NEGR1: variants seen among roughly 807,000 people sequenced by gnomAD.
NEGR1 encodes the protein IgLON family member 4.
A neutral mutation model predicts 40.9 loss-of-function variants in NEGR1; 10 were observed. The observed-to-expected ratio is 0.24, with a 90% CI of 0.15 to 0.42. The LOEUF (loss-of-function observed/expected upper bound fraction) is 0.42, where lower values mean the gene tolerates loss of function less well. NEGR1 is among the 10% of genes least tolerant of loss of function. The probability of loss-of-function intolerance (pLI) is 1.00; values close to 1 mark genes in which losing one functional copy is unlikely to be tolerated. For missense variants in NEGR1, 352 were observed against 438.9 expected, an observed-to-expected ratio of 0.80 and a Z score of 1.77; for synonymous variants, 185 against 166.8, an observed-to-expected ratio of 1.11 and a Z score of -0.84.
At chr1:71,662,836 T>C (rs1652111476) in intron 4 of NEGR1, among the ~76,000 whole-genome samples, 1 of 152,006 alleles carries the variant, frequency 6.6e-6, no homozygotes. Context: ...AATTTATATG[T>C]ACACATGACA....
chr1:72,247,426 C>A (rs1193268403), intron 1 of NEGR1, among the ~76,000 whole-genome samples: 2 of 152,200 alleles, frequency 1.3e-5, no homozygotes, highest in Admixed American at 1.3e-4. Flanking sequence ...CAAGTCACAT[C>A]TCAAACCCTT....
chr1:72,053,880 TA>T (rs59398777), intron 1 of NEGR1, among the ~76,000 whole-genome samples: 2,414 of 147,090 alleles, frequency 0.016, 64 homozygotes, highest in African/African-American at 0.056. Context: ...ATTTTAAGAT[TA>T]AAAAAAAAAA....
chr1:71,836,086 C>T (rs1247822207), intron 2 of NEGR1, among the ~76,000 whole-genome samples: 2 of 151,978 alleles, frequency 1.3e-5, no homozygotes, highest in Admixed American at 1.3e-4. Flanking sequence ...CTGCCTCTAC[C>T]CCCTAATCTC....
intron 1 of NEGR1, among the ~76,000 whole-genome samples, chr1:71,978,651 A>G (rs1248510893): frequency 4.6e-5 from 7 of 152,298 alleles, no homozygotes; most frequent in Admixed American, 3.9e-4. Context: ...CTAAACCACA[A>G]TGAGATACCA....
chr1:71,468,560 A>C (rs1646761221), intron 6 of NEGR1: 1 of 151,966 alleles, frequency 6.6e-6, no homozygotes, highest in East Asian at 1.9e-4. Flanking sequence ...GGCACAACTA[A>C]AATAGAAGGG....
chr1:71,622,334 T>C (rs12038728), intron 4 of NEGR1, among the ~76,000 whole-genome samples: 6,956 of 152,026 alleles, frequency 0.046, 401 homozygotes, highest in African/African-American at 0.13. Flanking sequence ...AAAGTATCTC[T>C]ATTATCAGCA....
intron 1 of NEGR1, among the ~76,000 whole-genome samples, chr1:71,966,009 A>G (rs1646206733): frequency 6.6e-6 from 1 of 152,198 alleles, no homozygotes; most frequent in Non-Finnish European, 1.5e-5. Context: ...TCATTCACTA[A>G]TTCAATAACC....
chr1:72,039,335 A>G (rs1307382754), intron 1 of NEGR1, among the ~76,000 whole-genome samples: 1 of 151,984 alleles, frequency 6.6e-6, no homozygotes, highest in Non-Finnish European at 1.5e-5. Flanking sequence ...TTTCAAAATT[A>G]CCAGGTAAGC....
At chr1:71,491,762 C>G (rs1212253513) in intron 6 of NEGR1, among the ~76,000 whole-genome samples, 1 of 152,002 alleles carries the variant, frequency 6.6e-6, no homozygotes, top group East Asian at 1.9e-4. Flanking sequence ...AATGGAGAAA[C>G]AGGACACACA....
intron 4 of NEGR1, among the ~76,000 whole-genome samples, chr1:71,627,083 T>C (rs1650812147): frequency 6.6e-6 from 1 of 152,142 alleles, no homozygotes; most frequent in Admixed American, 6.5e-5. Flanking sequence ...TGGAAGTCAG[T>C]GTGGTGATTC....
chr1:71,722,165 A>G (rs1182790149), intron 3 of NEGR1, among the ~76,000 whole-genome samples: 1 of 152,154 alleles, frequency 6.6e-6, no homozygotes, highest in East Asian at 1.9e-4. Flanking sequence ...AGGCATGAGT[A>G]GAAAATGGAA....
At chr1:71,745,345 AAAAC>A (rs943962116) in intron 3 of NEGR1, among the ~76,000 whole-genome samples, 21 of 152,258 alleles carry the variant, frequency 1.4e-4, no homozygotes, top group Admixed American at 2.6e-4. Context: ...TCTCTGGACT[AAAAC>A]AAACAAACAA....
At chr1:72,119,804 T>C (rs181932892) in intron 1 of NEGR1, among the ~76,000 whole-genome samples, 1 of 152,014 alleles carries the variant, frequency 6.6e-6, no homozygotes, top group Admixed American at 6.6e-5. Context: ...AAAATGTCAA[T>C]AGTGTTGAGG....
intron 4 of NEGR1, among the ~76,000 whole-genome samples, chr1:71,683,178 C>A (rs1432378903): frequency 6.6e-6 from 1 of 152,062 alleles, no homozygotes; most frequent in African/African-American, 2.4e-5. Context: ...ATATTCCTTG[C>A]ATCTACTTCT....
chr1:71,676,173 A>C (rs1652627779), intron 4 of NEGR1, among the ~76,000 whole-genome samples: 1 of 152,170 alleles, frequency 6.6e-6, no homozygotes, highest in African/African-American at 2.4e-5. Flanking sequence ...AGAGGGTTCC[A>C]AGCCACTAAG....
Position 71,611,112 on chromosome 1 carries a change from G to T in NEGR1, c.702C>A (p.Thr234=), listed in dbSNP as rs61729931. The change falls in exon 5 of 7, where the codon ACC becomes ACA. Residue 234 remains threonine, a synonymous_variant. Coordinates refer to ENST00000357731, the MANE Select transcript of NEGR1 (RefSeq NM_173808.3). The part of the protein sequence containing the change: ...APTIQEIKSG[T]VTPGRSGLIR... ...TCAGGCCACTGCGTCCGGGGGTCAC[G>T]GTGCCAGATTTAATTTCCTGAATAG... 3,831 of 1,613,614 alleles carry T rather than the reference G, an allele frequency of 2.4e-3. 103 individuals are homozygous for T. In the African/African-American group the frequency reaches 0.044, roughly 19 times the overall value.
rs540867196 is a variant in NEGR1 at position 71,704,242 on chromosome 1, T to G, written c.536-6103A>C. Among the ~76,000 whole-genome samples the G allele has an allele frequency of 6.8e-5, 10 of 147,186 alleles. No individual in the cohort carries two copies. In the South Asian group the frequency reaches 1.1e-3, roughly 16 times the overall value. On this transcript the variant is annotated intron_variant, in intron 3 of 6. Coordinates refer to ENST00000357731, the MANE Select transcript of NEGR1 (RefSeq NM_173808.3). ...ATTTTGTAACCTTTACCTTAAGAAGTTGGAAAAGAAAGAACAAATAAAAGC... is the reference window on the plus strand; with the variant it reads ...ATTTTGTAACCTTTACCTTAAGAAGGTGGAAAAGAAAGAACAAATAAAAGC...
At position 71,396,144 on chromosome 1, in the gene NEGR1, C is replaced by T. The variant is rs1372216426; in HGVS notation, c.*11302G>A. 1 of 152,136 alleles carries T rather than the reference C, an allele frequency of 6.6e-6. No individual in the cohort carries two copies. Among genetic ancestry groups the T allele is most frequent in the Non-Finnish European group, 1.5e-5 (1 of 68,034 alleles). 9.4% of individuals were successfully genotyped at this position (152,136 alleles called of 1,614,324 possible). A position where few individuals can be genotyped will look rare whatever the true frequency, so the allele number is the denominator to read the frequency against. ...TACATTAATCTCTTTCTTTCCCTTC[C>T]TCTTTCTCTTCTTTTACCCTCTGTT... is the stretch of plus-strand genomic sequence containing the variant. On this transcript the variant is annotated 3_prime_UTR_variant, in exon 7 of 7. Transcript: ENST00000357731.
At chr1:71,748,528 A>ATGACATATTGAGACCTTATTT (rs1258704883) in intron 3 of NEGR1, among the ~76,000 whole-genome samples, 1 of 152,200 alleles carries the variant, frequency 6.6e-6, no homozygotes, top group African/African-American at 2.4e-5. Flanking sequence ...AGACCTTATT[A>ATGACATATTGAGACCTTATTT]ATGACCTATG....
Sources: gnomAD v4.1 joint callset for allele counts (sites outside exome capture counted in the v4.1 genomes callset) on GRCh38, gnomAD v4.1.1 for gene constraint, MANE v1.5 for transcripts, NCBI Gene and HGNC (gene_info 2026-07-23, HGNC 2026-07-21) for gene names.